Variants in KLC1 observed in about 807,000 individuals in gnomAD.
KLC1 encodes kinesin 2 60/70kDa.
KLC1 carries 30 observed loss-of-function variants against 84.2 expected under a neutral mutation model. The ratio of observed to expected loss-of-function variants is 0.36; its 90% confidence interval spans 0.27 to 0.48. The LOEUF is 0.48. Among genes scored for constraint, KLC1 ranks in the 20% least tolerant of loss-of-function variants. The pLI is 0.99. For missense variants in KLC1, 499 were observed against 805.4 expected, an observed-to-expected ratio of 0.62 and a Z score of 4.60; for synonymous variants, 289 against 293.3, an observed-to-expected ratio of 0.99 and a Z score of 0.15.
chr14:103,694,849 T>C lies in KLC1; in HGVS notation c.1848+2424T>C, dbSNP rs1190051923. On this transcript the variant is annotated intron_variant, in intron 15 of 16. Coordinates refer to ENST00000334553, the MANE Select transcript of KLC1 (RefSeq NM_001394837.1). The surrounding 1 kb of genome is among the most constrained non-coding windows in gnomAD (Gnocchi z 4.5). ...GAGGTTTTGTTACAAGGCTAGACTT[T>C]AAAATACCTTTCAAAGTTTCATCCC... 7.1e-6 allele frequency: 7 copies of C among 985,382 alleles called. No individual in the cohort carries two copies. In the South Asian group the frequency reaches 2.3e-4, roughly 33 times the overall value. The allele number at this position is 985,382 out of a possible 1,614,324, so 61.0% of individuals were successfully genotyped here. A position where few individuals can be genotyped will look rare whatever the true frequency, so the allele number is the denominator to read the frequency against.
intron 9 of KLC1, among the ~76,000 whole-genome samples, 158 bp from the exon 10 acceptor site, chr14:103,675,394 A>G (rs537496378): frequency 5.3e-5 from 8 of 152,322 alleles, no homozygotes; most frequent in Non-Finnish European, 1.0e-4. Context: ...TCCTTCATTT[A>G]TAGTACAGGT....
rs976700570 is a variant in KLC1 at position 103,693,165 on chromosome 14, G to T, written c.1848+740G>T. 6.6e-6 allele frequency among the ~76,000 whole-genome samples: 1 copy of T among 152,168 alleles called. No individual in the cohort carries two copies. The highest frequency in any genetic ancestry group is 2.4e-5 in the African/African-American group (1 of 41,434). The stretch of plus-strand genomic sequence containing the variant: ...ACAGTGGCCAGGCACTGCCCTCCCA[G>T]TTGTCCAGATCCACTAATCCTCACA... On this transcript the variant is annotated intron_variant, in intron 15 of 16. Coordinates refer to ENST00000334553, the MANE Select transcript of KLC1 (RefSeq NM_001394837.1). The surrounding 1 kb of genome is among the most constrained non-coding windows in gnomAD (Gnocchi z 5.1).
At chr14:103,659,559 G>A (rs936999465) in intron 3 of KLC1, among the ~76,000 whole-genome samples, 2 of 152,124 alleles carry the variant, frequency 1.3e-5, no homozygotes, top group Non-Finnish European at 1.5e-5. Flanking sequence ...TCTCTTTTCT[G>A]TGCTAGGACC....
chr14:103,665,972 G>A (rs2079755634), intron 5 of KLC1, among the ~76,000 whole-genome samples: 1 of 151,964 alleles, frequency 6.6e-6, no homozygotes, highest in African/African-American at 2.4e-5. Flanking sequence ...GTATCCTTCT[G>A]TGAATTTCCT....
intron 2 of KLC1, among the ~76,000 whole-genome samples, chr14:103,656,439 C>T (rs1163430889): frequency 6.6e-6 from 1 of 152,226 alleles, no homozygotes. Flanking sequence ...CTGATAACTT[C>T]TGGCTCTGTC....
At chr14:103,676,160 C>T (rs577452944) in intron 11 of KLC1, among the ~76,000 whole-genome samples, 20 of 152,318 alleles carry the variant, frequency 1.3e-4, no homozygotes, top group East Asian at 3.9e-4. Flanking sequence ...TAGGCCCCTC[C>T]GTGGCCGGCC....
At chr14:103,661,315 C>G (rs564572638) in intron 3 of KLC1, among the ~76,000 whole-genome samples, 1 of 152,324 alleles carries the variant, frequency 6.6e-6, no homozygotes, top group East Asian at 1.9e-4. Context: ...GCCGTCACAT[C>G]TGTTGAGTAG....
In KLC1 at chr14:103,679,381, C is replaced by A. The variant is rs773985031; in HGVS notation, c.1489-3C>A. On this transcript the variant is annotated splice_region_variant and splice_polypyrimidine_tract_variant and intron_variant, in intron 12 of 16. Coordinates refer to ENST00000334553, the MANE Select transcript of KLC1 (RefSeq NM_001394837.1). The stretch of plus-strand genomic sequence containing the variant: ...AAACCATTTTCCCCTGCCTGGCTCA[C>A]AGGGTCTTGACAATGTTCACAAACA... The A allele has an allele frequency of 1.2e-6, 2 of 1,613,468 alleles. No individual in the cohort carries two copies. Among genetic ancestry groups the A allele is most frequent in the Non-Finnish European group, 1.7e-6 (2 of 1,179,844 alleles).
chr14:103,661,301 T>C (rs115780222), intron 3 of KLC1, among the ~76,000 whole-genome samples: 1,907 of 152,304 alleles, frequency 0.013, 48 homozygotes, highest in African/African-American at 0.044. Flanking sequence ...ACATCCTGCA[T>C]GTGGCCGTCA....
chr14:103,696,490 G>C, intron 15 of KLC1: 1 of 985,026 alleles, frequency 1.0e-6, no homozygotes, highest in South Asian at 4.7e-5. Flanking sequence ...ATGTATAACA[G>C]GTTTTCCATT....
chr14:103,699,251 C>T, intron 15 of KLC1: 7 of 1,539,758 alleles, frequency 4.5e-6, no homozygotes, highest in East Asian at 4.9e-5. Flanking sequence ...GGCTGCTACC[C>T]GCAGGAGCCG....
chr14:103,672,164 G>T (rs1456372896), intron 7 of KLC1, among the ~76,000 whole-genome samples: 2 of 152,140 alleles, frequency 1.3e-5, no homozygotes, highest in Non-Finnish European at 2.9e-5. Context: ...CTCAGGGAAG[G>T]TCGGTGTTGG....
At chr14:103,668,541 G>A (rs371506510) in intron 5 of KLC1, among the ~76,000 whole-genome samples, 1 of 151,908 alleles carries the variant, frequency 6.6e-6, no homozygotes, top group African/African-American at 2.4e-5. Context: ...GCAGTGGCGC[G>A]ATCTATGCTC....
intron 1 of KLC1, among the ~76,000 whole-genome samples, chr14:103,633,905 G>T (rs1321803794): frequency 6.6e-6 from 1 of 152,028 alleles, no homozygotes; most frequent in East Asian, 1.9e-4. Context: ...GTCTCGCTCT[G>T]TCACCCAGGA....
intron 14 of KLC1, among the ~76,000 whole-genome samples, chr14:103,688,783 G>A (rs1258299009): frequency 6.6e-6 from 1 of 152,198 alleles, no homozygotes; most frequent in Non-Finnish European, 1.5e-5. Flanking sequence ...CCCCACAAAT[G>A]TTCATTCAGA....
intron 15 of KLC1, chr14:103,696,818 C>T: frequency 4.1e-6 from 4 of 985,524 alleles, no homozygotes; most frequent in Non-Finnish European, 4.8e-6. Context: ...CAGGGCAAGA[C>T]CCATGGCCCT....
At chr14:103,699,033 C>T (rs774175372) in intron 15 of KLC1, 1 of 1,574,978 alleles carries the variant, frequency 6.3e-7, no homozygotes, top group Non-Finnish European at 8.6e-7. Context: ...AAACAGGAAG[C>T]AGGCAAGCTG....
At chr14:103,692,470 G>C in intron 15 of KLC1, 45 bp downstream of exon 15, 1 of 1,505,340 alleles carries the variant, frequency 6.6e-7, no homozygotes, top group African/African-American at 1.4e-5. Flanking sequence ...CCCAGACCAC[G>C]CTGGCAGGTC....
chr14:103,648,630 G>T (rs1356122706), intron 1 of KLC1, among the ~76,000 whole-genome samples: 1 of 151,398 alleles, frequency 6.6e-6, no homozygotes, highest in Non-Finnish European at 1.5e-5. Context: ...AAAATAAAAA[G>T]AAAATAAAAA....
Sources: allele counts gnomAD v4.1 joint callset (sites outside exome capture counted in the v4.1 genomes callset), GRCh38; gene constraint gnomAD v4.1.1; non-coding constraint Gnocchi (gnomAD v3.1); transcripts MANE v1.5; gene names NCBI Gene and HGNC (gene_info 2026-07-23, HGNC 2026-07-21).